GTF2IRD2B: variants seen among roughly 807,000 people sequenced by gnomAD.
GTF2IRD2B encodes the protein GTF2I repeat domain containing 2B.
In GTF2IRD2B, 10 loss-of-function variants were observed where a neutral mutation model predicts 55.6. That is an observed-to-expected ratio of 0.18 (90% CI 0.11 to 0.31). The LOEUF is 0.31. Ranked by LOEUF, GTF2IRD2B falls within the 10% of genes least tolerant of loss-of-function variation. The probability of loss-of-function intolerance (pLI) is 1.00; values close to 1 mark genes in which losing one functional copy is unlikely to be tolerated. For missense variants in GTF2IRD2B, 206 were observed against 802.7 expected (o/e 0.26, Z 8.98); for synonymous variants, 107 against 320.5 (o/e 0.33, Z 7.12).
intron 3 of GTF2IRD2B, among the ~76,000 whole-genome samples, chr7:75,115,096 C>CTTTTTT (rs60983909): frequency 2.3e-5 from 1 of 43,416 alleles, no homozygotes; most frequent in African/African-American, 1.0e-4. Context: ...TCGTGCCCAG[C>CTTTTTT]TTTTTTTTTT....
intron 11 of GTF2IRD2B, among the ~76,000 whole-genome samples, chr7:75,137,327 T>C (rs1474014442): frequency 1.1e-4 from 16 of 149,934 alleles, no homozygotes; most frequent in African/African-American, 3.9e-4. Context: ...ACAACATAAT[T>C]AGCTGTGCAA....
intron 1 of GTF2IRD2B, among the ~76,000 whole-genome samples, chr7:75,104,302 A>G (rs1383196525): frequency 6.6e-6 from 1 of 151,892 alleles, no homozygotes; most frequent in Admixed American, 6.6e-5. Context: ...TTTAGTAGAG[A>G]AGGGGGGGGT....
chr7:75,148,302 A>G lies in GTF2IRD2B; in HGVS notation c.1855A>G (p.Thr619Ala). ...GTCGAGATTAGTAAGCGTGGCCTCC[A>G]CTGGCACCCCAGCGATGGTGGATGC... The part of the protein sequence containing the change: ...NWSRLVSVAS[T>A]GTPAMVDANN... The change falls in exon 16 of 16, where the codon ACT (threonine) becomes GCT (alanine). Residue 619 changes from threonine (T) to alanine (A), a missense_variant. Coordinates refer to ENST00000472837, the MANE Select transcript of GTF2IRD2B (RefSeq NM_001003795.3). 3 of 1,613,668 alleles carry G rather than the reference A, an allele frequency of 1.9e-6. No homozygotes were observed. The highest frequency in any genetic ancestry group is 2.5e-6 in the Non-Finnish European group (3 of 1,179,828).
intron 10 of GTF2IRD2B, among the ~76,000 whole-genome samples, chr7:75,136,393 C>T (rs1236123530): frequency 1.3e-5 from 2 of 149,460 alleles, no homozygotes; most frequent in Non-Finnish European, 3.0e-5. Flanking sequence ...CTCCACCTCC[C>T]GGGCTGAAGC....
At chr7:75,105,946 G>A (rs191233049) in intron 1 of GTF2IRD2B, among the ~76,000 whole-genome samples, 4 of 152,312 alleles carry the variant, frequency 2.6e-5, no homozygotes, top group Non-Finnish European at 5.9e-5. Flanking sequence ...AGGAGGAAGA[G>A]AGTGTGGCAA....
intron 8 of GTF2IRD2B, among the ~76,000 whole-genome samples, chr7:75,130,146 T>C (rs1357767888): frequency 1.7e-3 from 171 of 99,890 alleles, no homozygotes; most frequent in African/African-American, 2.7e-3. Flanking sequence ...TCTTTCTTTC[T>C]TTCCTTCTTT....
chr7:75,106,898 CT>C (rs1807824188), intron 1 of GTF2IRD2B, among the ~76,000 whole-genome samples: 1 of 142,472 alleles, frequency 7.0e-6, no homozygotes, highest in South Asian at 2.3e-4. Flanking sequence ...GCACTCCAGA[CT>C]GGGTGACAGA....
intron 1 of GTF2IRD2B, among the ~76,000 whole-genome samples, chr7:75,107,417 T>C (rs1156483390): frequency 3.4e-5 from 5 of 147,586 alleles, no homozygotes; most frequent in Non-Finnish European, 6.0e-5. Context: ...CTATTAAAAA[T>C]ACAAAAAATT....
chr7:75,121,748 C>T (rs180786860), intron 4 of GTF2IRD2B, among the ~76,000 whole-genome samples: 38 of 150,358 alleles, frequency 2.5e-4, no homozygotes, highest in African/African-American at 6.3e-4. Context: ...TGTGAGCCGC[C>T]GTGCCTGGCC....
intron 10 of GTF2IRD2B, among the ~76,000 whole-genome samples, chr7:75,136,370 G>C (rs1423173621): frequency 1.4e-5 from 2 of 146,728 alleles, no homozygotes; most frequent in Non-Finnish European, 3.0e-5. Flanking sequence ...TCACGACCTT[G>C]GCTCACTGCA....
chr7:75,107,293 G>A (rs1203087061), intron 1 of GTF2IRD2B, among the ~76,000 whole-genome samples: 2 of 152,126 alleles, frequency 1.3e-5, no homozygotes, highest in East Asian at 1.9e-4. Flanking sequence ...GGCTGGGTGC[G>A]GGCCGGGCGC....
At chr7:75,130,563 C>T (rs1808641698) in intron 8 of GTF2IRD2B, among the ~76,000 whole-genome samples, 2 of 151,910 alleles carry the variant, frequency 1.3e-5, no homozygotes, top group Admixed American at 6.6e-5. Flanking sequence ...CTGCAACTTC[C>T]GCCCCCCGGG....
At chr7:75,136,320 A>G (rs1200432966) in intron 10 of GTF2IRD2B, among the ~76,000 whole-genome samples, 2 of 145,452 alleles carry the variant, frequency 1.4e-5, no homozygotes, top group Non-Finnish European at 1.5e-5. Flanking sequence ...TTTTTTTGAG[A>G]CAGAATCTCA....
Position 75,149,530 on chromosome 7 carries a change from G to A in GTF2IRD2B, c.*233G>A, listed in dbSNP as rs1554532360. On this transcript the variant is annotated 3_prime_UTR_variant, in exon 16 of 16. Transcript: ENST00000472837. ...CGAGCAGCTGGGACTACAGGCATGC[G>A]CCACCATGCCCGGCTAATTTTTGTA... 12 of 524,870 alleles carry A rather than the reference G, an allele frequency of 2.3e-5. No homozygotes were observed. The highest frequency in any genetic ancestry group is 1.3e-4 in the African/African-American group (7 of 52,076). The allele number at this position is 524,870 out of a possible 1,614,324, so 32.5% of individuals were successfully genotyped here. A position where few individuals can be genotyped will look rare whatever the true frequency, so the allele number is the denominator to read the frequency against.
At position 75,117,565 on chromosome 7, in the gene GTF2IRD2B, G is replaced by C. The variant is rs1808204224; in HGVS notation, c.239-3326G>C. 7.2e-5 allele frequency among the ~76,000 whole-genome samples: 11 copies of C among 152,408 alleles called. No individual in the cohort carries two copies. In the South Asian group the frequency reaches 2.3e-3, roughly 32 times the overall value. ...GTCACTTCCACTAATACTCCAGCTG[G>C]CTTCCCAGCAAGTCTTATCGAAGTC... On this transcript the variant is annotated intron_variant, in intron 3 of 15. Coordinates refer to ENST00000472837, the MANE Select transcript of GTF2IRD2B (RefSeq NM_001003795.3).
At chr7:75,092,987 C>T (rs1807303569) in intron 1 of GTF2IRD2B, among the ~76,000 whole-genome samples, 1 of 152,282 alleles carries the variant, frequency 6.6e-6, no homozygotes, top group Non-Finnish European at 1.5e-5. Flanking sequence ...GAAGCCTTGC[C>T]GCGGGGGCAA....
chr7:75,119,238 A>G (rs1808285082), intron 3 of GTF2IRD2B, among the ~76,000 whole-genome samples: 1 of 102,088 alleles, frequency 9.8e-6, no homozygotes, highest in Non-Finnish European at 2.1e-5. Context: ...AAAAGAATGA[A>G]ATGATGTCTT....
intron 9 of GTF2IRD2B, among the ~76,000 whole-genome samples, chr7:75,133,452 C>T (rs587710034): frequency 1.3e-5 from 2 of 148,838 alleles, no homozygotes; most frequent in African/African-American, 5.2e-5. Context: ...AAGCTGTTCT[C>T]TAACTCCTGG....
At chr7:75,134,386 TCAAAACAACAA>T (rs1554453303) in intron 9 of GTF2IRD2B, among the ~76,000 whole-genome samples, 2 of 143,058 alleles carry the variant, frequency 1.4e-5, no homozygotes, top group Non-Finnish European at 3.0e-5. Context: ...AAACTCTCTC[TCAAAACAACAA>T]CAAAACAAAA....
Sources: allele counts gnomAD v4.1 joint callset (sites outside exome capture counted in the v4.1 genomes callset), GRCh38; gene constraint gnomAD v4.1.1; transcripts MANE v1.5; gene names NCBI Gene and HGNC (gene_info 2026-07-23, HGNC 2026-07-21).